CAB39: variants seen among roughly 807,000 people sequenced by gnomAD.
CAB39 encodes the protein calcium-binding protein 39.
CAB39 carries 8 observed loss-of-function variants against 40.0 expected under a neutral mutation model. The observed-to-expected ratio is 0.20, with a 90% CI of 0.12 to 0.36. CAB39 has a LOEUF of 0.36. CAB39 is among the 10% of genes least tolerant of loss of function. The pLI is 1.00. For synonymous variants in CAB39, 156 were observed against 141.6 expected (o/e 1.10, Z -0.72); for missense variants, 270 against 401.1 (o/e 0.67, Z 2.79).
At chr2:230,771,291 T>C (rs1695478604) in intron 2 of CAB39, among the ~76,000 whole-genome samples, 1 of 151,962 alleles carries the variant, frequency 6.6e-6, no homozygotes, top group South Asian at 2.1e-4. Flanking sequence ...TCAAGAGTGT[T>C]AGGTGTAATT....
chr2:230,801,284 G>C (rs992936662), intron 5 of CAB39, among the ~76,000 whole-genome samples: 2 of 152,186 alleles, frequency 1.3e-5, no homozygotes, highest in Non-Finnish European at 2.9e-5. Flanking sequence ...ACTCCTCCCT[G>C]AAAGAAACTC....
rs181251314 is a variant in CAB39, at chr2:230,785,960, C to T, written c.115-4912C>T. ...CAGGCGGATCACAAGGTCAGGAGAG[C>T]GAGACCATCCTGGCTAACACGGTGA... On this transcript the variant is annotated intron_variant, in intron 2 of 8. Transcript: ENST00000258418. Among the ~76,000 whole-genome samples the T allele has an allele frequency of 7.5e-3, 1,130 of 151,562 alleles. 11 individuals carry two copies. The highest frequency in any genetic ancestry group is 0.025 in the African/African-American group (1,035 of 41,330).
intron 1 of CAB39, among the ~76,000 whole-genome samples, chr2:230,732,420 ATCAG>A (rs894695166): frequency 6.6e-6 from 1 of 152,148 alleles, no homozygotes; most frequent in African/African-American, 2.4e-5. Flanking sequence ...TTTCAGGTTT[ATCAG>A]TCAGTTTTAA....
At chr2:230,735,816 CA>C (rs200227357) in intron 1 of CAB39, among the ~76,000 whole-genome samples, 1 of 151,834 alleles carries the variant, frequency 6.6e-6, no homozygotes. Context: ...TGCCCAACAA[CA>C]AAAAAAATAT....
chr2:230,784,211 G>A lies in CAB39; in HGVS notation c.115-6661G>A, dbSNP rs141111913. The stretch of plus-strand genomic sequence containing the variant: ...TGAAGATGACTCCTAAATTTCTGAC[G>A]TGTAGTAACATCATCAGTGGTATCA... On this transcript the variant is annotated intron_variant, in intron 2 of 8. Transcript: ENST00000258418. Among the ~76,000 whole-genome samples, 805 of 152,246 alleles carry A rather than the reference G, an allele frequency of 5.3e-3. 4 individuals carry two copies. Among genetic ancestry groups the A allele is most frequent in the South Asian group, 0.029 (139 of 4,820 alleles).
At chr2:230,713,959 A>C (rs1286827158) in intron 1 of CAB39, 6 of 152,368 alleles carry the variant, frequency 3.9e-5, no homozygotes, top group Non-Finnish European at 8.8e-5. Context: ...CGAACCGATC[A>C]CTTCTGCCTC....
intron 1 of CAB39, among the ~76,000 whole-genome samples, chr2:230,723,364 G>C (rs540316470): frequency 6.6e-6 from 1 of 150,728 alleles, no homozygotes; most frequent in African/African-American, 2.4e-5. Context: ...TTTCTCTGCT[G>C]TGGGCTTCCT....
chr2:230,756,075 C>CTT (rs973056577), intron 1 of CAB39, among the ~76,000 whole-genome samples: 2 of 152,216 alleles, frequency 1.3e-5, no homozygotes, highest in Admixed American at 6.5e-5. Flanking sequence ...AGAGTCCACT[C>CTT]TTAAAGGTGC....
In CAB39 at chr2:230,738,040, T is replaced by C. The variant is rs542069296; in HGVS notation, c.-43-21919T>C. ...TTACAAAGTCATTTTTCTCGCCTTA[T>C]CATGCTTCAGACTGTTGCATAAAGT... On this transcript the variant is annotated intron_variant, in intron 1 of 8. Transcript: ENST00000258418. Among the ~76,000 whole-genome samples, 13 of 152,354 alleles carry C rather than the reference T, an allele frequency of 8.5e-5. No homozygotes were observed. The East Asian group carries it at 1.7e-3, about 20-fold the overall frequency.
intron 1 of CAB39, among the ~76,000 whole-genome samples, chr2:230,754,318 CCTTCTTCCTT>C (rs1443262853): frequency 2.0e-5 from 3 of 149,896 alleles, no homozygotes; most frequent in African/African-American, 5.0e-5. Context: ...CTTCCTTCTT[CCTTCTTCCTT>C]CTTCTTCCTT....
intron 2 of CAB39, among the ~76,000 whole-genome samples, chr2:230,767,182 A>G (rs1208287299): frequency 3.9e-5 from 6 of 152,240 alleles, no homozygotes; most frequent in Admixed American, 1.3e-4. Context: ...TTTTGAAGCA[A>G]AATGCATACT....
At chr2:230,739,708 G>A (rs865781290) in intron 1 of CAB39, among the ~76,000 whole-genome samples, 1 of 152,168 alleles carries the variant, frequency 6.6e-6, no homozygotes, top group Middle Eastern at 3.2e-3. Context: ...TGGTCAGGCT[G>A]GTCTTGAACT....
rs146287799 is a variant in CAB39 at position 230,795,528 on chromosome 2, A to AG, written c.398+2203dup. On this transcript the variant is annotated intron_variant, in intron 4 of 8. Coordinates refer to ENST00000258418, the MANE Select transcript of CAB39 (RefSeq NM_016289.4). ...TTTTATTAGATTCGGATTCACTTTG[A>AG]GGGGGGCAAAAGTTCATGGATGGTG... 2.5e-3 allele frequency among the ~76,000 whole-genome samples: 388 copies of AG among 152,174 alleles called. 13 individuals are homozygous for AG. In the East Asian group the frequency reaches 0.066, roughly 26 times the overall value.
At chr2:230,802,325 T>C (rs1030776238) in intron 5 of CAB39, among the ~76,000 whole-genome samples, 1 of 152,092 alleles carries the variant, frequency 6.6e-6, no homozygotes, top group Non-Finnish European at 1.5e-5. Context: ...AGATCTAAAA[T>C]TGACACCCAA....
intron 1 of CAB39, among the ~76,000 whole-genome samples, chr2:230,748,400 T>C (rs754513454): frequency 6.6e-6 from 1 of 152,176 alleles, no homozygotes; most frequent in African/African-American, 2.4e-5. Context: ...CCTAATAGAT[T>C]AGTGTTGTCC....
chr2:230,747,909 G>A (rs934093722), intron 1 of CAB39, among the ~76,000 whole-genome samples: 1 of 152,172 alleles, frequency 6.6e-6, no homozygotes, highest in African/African-American at 2.4e-5. Flanking sequence ...CCACATGTAT[G>A]TCTAACTGAT....
Position 230,798,798 on chromosome 2 carries a change from T to C in CAB39, c.468T>C (p.Leu156=). Residue 156 remains leucine (L), a synonymous_variant, in exon 5 of 9, where the codon CTT becomes CTC. Coordinates refer to ENST00000258418, the MANE Select transcript of CAB39 (RefSeq NM_016289.4). ...GAGAATGCATCAGACATGAACCACTTGCAAAAATCATTTTGTGGTCGGAAC... is the reference window on the plus strand; with the variant it reads ...GAGAATGCATCAGACATGAACCACTCGCAAAAATCATTTTGTGGTCGGAAC... ...MLRECIRHEP[L]AKIILWSEQF... 1.9e-6 allele frequency: 3 copies of C among 1,611,264 alleles called. No individual in the cohort carries two copies. The highest frequency in any genetic ancestry group is 2.5e-6 in the Non-Finnish European group (3 of 1,178,666).
intron 1 of CAB39, among the ~76,000 whole-genome samples, chr2:230,751,284 T>C (rs957292595): frequency 6.6e-6 from 1 of 152,008 alleles, no homozygotes; most frequent in African/African-American, 2.4e-5. Context: ...TGTCTAGGAA[T>C]GTGTTGTCAT....
chr2:230,776,450 G>A (rs1368788966), intron 2 of CAB39, among the ~76,000 whole-genome samples: 1 of 152,144 alleles, frequency 6.6e-6, no homozygotes, highest in Non-Finnish European at 1.5e-5. Flanking sequence ...AGTTTGTGTG[G>A]ATATGCATAT....
Sources: gnomAD v4.1 joint callset for allele counts (sites outside exome capture counted in the v4.1 genomes callset) on GRCh38, gnomAD v4.1.1 for gene constraint, MANE v1.5 for transcripts, NCBI Gene and HGNC (gene_info 2026-07-23, HGNC 2026-07-21) for gene names.